Variants in PRKN observed in about 807,000 individuals in gnomAD.
The protein encoded by PRKN is parkin RBR E3 ubiquitin protein ligase.
Under a neutral mutation model 59.5 loss-of-function variants are expected in PRKN, and 56 were observed. The ratio of observed to expected loss-of-function variants is 0.94; its 90% CI spans 0.76 to 1.18. The LOEUF is 1.18. Ranked by LOEUF, PRKN falls within the 50% of genes most tolerant of loss-of-function variation. PRKN has a pLI of 0.00. For synonymous variants in PRKN, 250 were observed against 222.1 expected, an observed-to-expected ratio of 1.13 and a Z score of -1.12; for missense variants, 657 against 596.4, an observed-to-expected ratio of 1.10 and a Z score of -1.06.
In PRKN at chr6:162,185,560, A is replaced by G. The variant is rs143140411; in HGVS notation, c.534+15571T>C. Among the ~76,000 whole-genome samples the G allele has an allele frequency of 2.0e-3, 308 of 152,316 alleles. 2 individuals carry two copies. Among genetic ancestry groups the G allele is most frequent in the Admixed American group, 6.1e-3 (93 of 15,292 alleles). ...GCGTCCTTCATTATAAGTGATTTCA[A>G]AATCTTTTTCCCTCCAGGAAAAACT... On this transcript the variant is annotated intron_variant, in intron 4 of 11. Coordinates refer to ENST00000366898, the MANE Select transcript of PRKN (RefSeq NM_004562.3).
intron 7 of PRKN, among the ~76,000 whole-genome samples, chr6:161,735,870 GCTCCATTGTA>G (rs1787944092): frequency 6.6e-6 from 1 of 151,920 alleles, no homozygotes; most frequent in Non-Finnish European, 1.5e-5. Context: ...AGCCGAGATT[GCTCCATTGTA>G]CTCCAGCCTG....
intron 1 of PRKN, among the ~76,000 whole-genome samples, chr6:162,622,362 TTAG>T (rs1782711019): frequency 6.6e-6 from 1 of 151,928 alleles, no homozygotes; most frequent in Admixed American, 6.6e-5. Context: ...TTTTGCATTT[TTAG>T]TAGAGACGGG....
At chr6:162,332,830 C>T (rs958924312) in intron 2 of PRKN, among the ~76,000 whole-genome samples, 8 of 152,086 alleles carry the variant, frequency 5.3e-5, no homozygotes, top group Non-Finnish European at 1.2e-4. Context: ...CCAATAGCAC[C>T]ACCACCAACA....
chr6:162,130,694 T>C (rs1321731136), intron 4 of PRKN, among the ~76,000 whole-genome samples: 1 of 152,224 alleles, frequency 6.6e-6, no homozygotes, highest in Non-Finnish European at 1.5e-5. Context: ...CTATGTATGA[T>C]ACATACTGAA....
At chr6:161,912,729 T>C (rs778660381) in intron 6 of PRKN, among the ~76,000 whole-genome samples, 1 of 152,024 alleles carries the variant, frequency 6.6e-6, no homozygotes, top group Non-Finnish European at 1.5e-5. Flanking sequence ...CCTCACCTCC[T>C]AGCTGAGCTC....
Position 161,550,691 on chromosome 6 carries a change from G to A in PRKN, c.934-1688C>T, listed in dbSNP as rs1241062706. Among the ~76,000 whole-genome samples, 2 of 151,694 alleles carry A rather than the reference G, an allele frequency of 1.3e-5. No homozygotes were observed. Among genetic ancestry groups the A allele is most frequent in the African/African-American group, 4.9e-5 (2 of 41,228 alleles). ...TTCCTGAGAAGACAGGAGGCGGGTA[G>A]GGGTGGGGACAACTGTGGTAGAAGA... is the stretch of plus-strand genomic sequence containing the variant. On this transcript the variant is annotated intron_variant, in intron 8 of 11. Coordinates refer to ENST00000366898, the MANE Select transcript of PRKN (RefSeq NM_004562.3). The surrounding 1 kb of genome is among the most constrained non-coding windows in gnomAD (Gnocchi z 4.0).
At chr6:161,919,928 C>T (rs981502749) in intron 6 of PRKN, among the ~76,000 whole-genome samples, 3 of 152,218 alleles carry the variant, frequency 2.0e-5, no homozygotes, top group Admixed American at 6.5e-5. Context: ...CGCTTAACCA[C>T]ATGGATACAT....
chr6:162,123,320 G>GA (rs957102296), intron 4 of PRKN, among the ~76,000 whole-genome samples: 20 of 151,882 alleles, frequency 1.3e-4, no homozygotes, highest in African/African-American at 4.6e-4. Context: ...TATACAATGG[G>GA]AAAAAAAGGC....
At position 161,465,673 on chromosome 6, in the gene PRKN, T is replaced by C. The variant is rs116335727; in HGVS notation, c.1084-78796A>G. On this transcript the variant is annotated intron_variant, in intron 9 of 11. Coordinates refer to ENST00000366898, the MANE Select transcript of PRKN (RefSeq NM_004562.3). ...TATCTTGTGTTTTCAGCATTTTGAC[T>C]GCAATTTGTTTTAACACATTGTTTT... Among the ~76,000 whole-genome samples, 301 of 152,330 alleles carry C rather than the reference T, an allele frequency of 2.0e-3. 1 individual carries two copies. The highest frequency in any genetic ancestry group is 6.9e-3 in the African/African-American group (288 of 41,578).
intron 2 of PRKN, among the ~76,000 whole-genome samples, chr6:162,323,903 A>T (rs141476869): frequency 0.022 from 3,335 of 152,218 alleles, 64 homozygotes; most frequent in Non-Finnish European, 0.031. Flanking sequence ...CTAGAAATGA[A>T]AGCATATGTC....
At chr6:162,684,298 C>T (rs1272164116) in intron 1 of PRKN, among the ~76,000 whole-genome samples, 23 of 151,932 alleles carry the variant, frequency 1.5e-4, no homozygotes, top group Admixed American at 1.5e-3. Context: ...CTGAACTCTT[C>T]AGCCAGGAAA....
intron 3 of PRKN, among the ~76,000 whole-genome samples, chr6:162,213,184 T>C (rs1181562030): frequency 6.6e-6 from 1 of 152,130 alleles, no homozygotes; most frequent in Non-Finnish European, 1.5e-5. Context: ...AGTGGGGTGG[T>C]GGTCCTAAAG....
chr6:162,233,210 T>C (rs1264016145), intron 3 of PRKN, among the ~76,000 whole-genome samples: 1 of 152,186 alleles, frequency 6.6e-6, no homozygotes, highest in African/African-American at 2.4e-5. Context: ...ATCTCCAATA[T>C]CTATATGTAA....
At chr6:161,350,677 T>A (rs1383157085) in intron 11 of PRKN, among the ~76,000 whole-genome samples, 49 of 64,302 alleles carry the variant, frequency 7.6e-4, no homozygotes, top group Non-Finnish European at 1.0e-3. Flanking sequence ...ATATTTAAAA[T>A]ATATATATTT....
intron 9 of PRKN, among the ~76,000 whole-genome samples, chr6:161,422,899 C>A (rs1788169210): frequency 6.6e-6 from 1 of 152,186 alleles, no homozygotes; most frequent in Admixed American, 6.5e-5. Context: ...GATCGAGACG[C>A]CAACAGCAGC....
chr6:161,770,224 A>G (rs1265598525), intron 7 of PRKN, among the ~76,000 whole-genome samples: 1 of 152,114 alleles, frequency 6.6e-6, no homozygotes, highest in African/African-American at 2.4e-5. Flanking sequence ...AGGCTGGAGG[A>G]CAAGGCGTGT....
Position 161,562,660 on chromosome 6 carries a change from T to G in PRKN, c.933+6695A>C, listed in dbSNP as rs578075929. On this transcript the variant is annotated intron_variant, in intron 8 of 11. Transcript: ENST00000366898. This position sits in a 1 kb window ranked among gnomAD's most constrained non-coding sequence, Gnocchi z 4.3. The stretch of plus-strand genomic sequence containing the variant: ...GTTCAGAATTGAAGCTCAGATCCCA[T>G]GCCTCTGATCTCACCTGCCCCATTT... Among the ~76,000 whole-genome samples, 1 of 152,290 alleles carries G rather than the reference T, an allele frequency of 6.6e-6. No homozygotes were observed. The highest frequency in any genetic ancestry group is 2.1e-4 in the South Asian group (1 of 4,824).
intron 6 of PRKN, among the ~76,000 whole-genome samples, chr6:161,897,984 A>AAAAAAAAAAAAAAAAAAAAAAAAAAAT (rs1554244227): frequency 5.1e-5 from 6 of 117,662 alleles, no homozygotes; most frequent in African/African-American, 2.1e-4. Context: ...AAAAAAAAAA[A>AAAAAAAAAAAAAAAAAAAAAAAAAAAT]GTCTCCCAGT....
In PRKN at chr6:161,471,594, T is replaced by C. The variant is rs1790792089; in HGVS notation, c.1083+77260A>G. On this transcript the variant is annotated intron_variant, in intron 9 of 11. Coordinates refer to ENST00000366898, the MANE Select transcript of PRKN (RefSeq NM_004562.3). This position sits in a 1 kb window ranked among gnomAD's most constrained non-coding sequence, Gnocchi z 4.5. ...AGACCTTGACAGAATGATGACCTAA[T>C]TTCTATATGCTCTTGAATTGGATGG... 6.6e-6 allele frequency among the ~76,000 whole-genome samples: 1 copy of C among 152,198 alleles called. No homozygotes were observed. The highest frequency in any genetic ancestry group is 2.4e-5 in the African/African-American group (1 of 41,450).
Sources: allele counts gnomAD v4.1 joint callset (sites outside exome capture counted in the v4.1 genomes callset), GRCh38; gene constraint gnomAD v4.1.1; non-coding constraint Gnocchi (gnomAD v3.1); transcripts MANE v1.5; gene names NCBI Gene and HGNC (gene_info 2026-07-23, HGNC 2026-07-21).